The following FARS2 variants were observed in gnomAD, a reference collection of about 807,000 sequenced individuals.
FARS2 encodes the protein phenylalanine--tRNA ligase, mitochondrial.
FARS2 carries 40 observed loss-of-function variants against 46.4 expected under a neutral mutation model. The observed-to-expected ratio is 0.86, with a 90% confidence interval of 0.67 to 1.12. The LOEUF is 1.12. Among genes scored for constraint, FARS2 ranks in the 50% most tolerant of loss-of-function variants. The probability of loss-of-function intolerance (pLI) is 0.00; values close to 1 mark genes in which losing one functional copy is unlikely to be tolerated. For synonymous variants in FARS2, 234 were observed against 214.9 expected (o/e 1.09, Z -0.78); for missense variants, 513 against 567.9 (o/e 0.90, Z 0.98).
intron 5 of FARS2, among the ~76,000 whole-genome samples, chr6:5,570,816 C>T (rs1772599653): frequency 6.6e-6 from 1 of 152,090 alleles, no homozygotes; most frequent in Admixed American, 6.5e-5. Context: ...TCTGCACTGT[C>T]ACCACAGCTG....
At chr6:5,409,949 C>T (rs1761839910) in intron 3 of FARS2, among the ~76,000 whole-genome samples, 1 of 152,106 alleles carries the variant, frequency 6.6e-6, no homozygotes, top group African/African-American at 2.4e-5. Flanking sequence ...TATTGCCTCT[C>T]AGGGGAGATG....
At chr6:5,561,684 G>A (rs1040639172) in intron 5 of FARS2, among the ~76,000 whole-genome samples, 6 of 151,768 alleles carry the variant, frequency 4.0e-5, no homozygotes, top group Admixed American at 2.0e-4. Context: ...TTTTTGTTCC[G>A]GGATTCATAT....
chr6:5,644,257 CA>C (rs1432304376), intron 6 of FARS2, among the ~76,000 whole-genome samples: 1 of 151,936 alleles, frequency 6.6e-6, no homozygotes, highest in Non-Finnish European at 1.5e-5. Flanking sequence ...CTCACTCTGT[CA>C]CCCAGGCTGG....
intron 6 of FARS2, among the ~76,000 whole-genome samples, chr6:5,752,156 G>T (rs113173426): frequency 2.6e-5 from 4 of 152,146 alleles, no homozygotes; most frequent in African/African-American, 4.8e-5. Flanking sequence ...ATACATCAGG[G>T]TGTCCAGCGC....
intron 4 of FARS2, among the ~76,000 whole-genome samples, chr6:5,510,693 T>C (rs1015074373): frequency 6.6e-6 from 1 of 152,234 alleles, no homozygotes; most frequent in South Asian, 2.1e-4. Flanking sequence ...ACGTGAGTGC[T>C]GACACAGTGA....
intron 5 of FARS2, among the ~76,000 whole-genome samples, chr6:5,588,335 A>C (rs1279164958): frequency 6.6e-6 from 1 of 152,190 alleles, no homozygotes; most frequent in Non-Finnish European, 1.5e-5. Flanking sequence ...GCCCAAGGCC[A>C]ATCTGCCTTG....
chr6:5,376,952 G>A (rs917657344), intron 2 of FARS2, among the ~76,000 whole-genome samples: 1 of 152,218 alleles, frequency 6.6e-6, no homozygotes, highest in African/African-American at 2.4e-5. Flanking sequence ...GAGGGTGAAT[G>A]AGATCAGGCA....
intron 1 of FARS2, among the ~76,000 whole-genome samples, chr6:5,358,518 G>A (rs764667269): frequency 2.4e-4 from 37 of 152,264 alleles, no homozygotes; most frequent in Middle Eastern, 3.4e-3. Flanking sequence ...GAAAGCCAGA[G>A]TATGTATTGT....
At chr6:5,455,225 G>T (rs1764773838) in intron 4 of FARS2, among the ~76,000 whole-genome samples, 2 of 152,056 alleles carry the variant, frequency 1.3e-5, no homozygotes, top group African/African-American at 4.8e-5. Context: ...GCAGCTTTTT[G>T]ATTTTTAAAT....
At chr6:5,520,284 C>A (rs1769052159) in intron 4 of FARS2, among the ~76,000 whole-genome samples, 1 of 152,140 alleles carries the variant, frequency 6.6e-6, no homozygotes, top group Non-Finnish European at 1.5e-5. Flanking sequence ...TGTAATTACA[C>A]CTGGTGACGA....
intron 5 of FARS2, among the ~76,000 whole-genome samples, chr6:5,608,044 T>C (rs887189758): frequency 7.7e-4 from 117 of 152,200 alleles, no homozygotes; most frequent in African/African-American, 2.7e-3. Context: ...AAATATCTTT[T>C]TATCGTGAAC....
intron 2 of FARS2, among the ~76,000 whole-genome samples, chr6:5,376,352 T>C (rs1464799784): frequency 6.6e-6 from 1 of 152,140 alleles, no homozygotes; most frequent in African/African-American, 2.4e-5. Flanking sequence ...GATTCCAAAC[T>C]CAGCAGATTA....
chr6:5,270,803 C>T (rs1363652128), intron 1 of FARS2, among the ~76,000 whole-genome samples: 1 of 152,162 alleles, frequency 6.6e-6, no homozygotes, highest in East Asian at 1.9e-4. Context: ...TTTTCGCTTG[C>T]TGCTTTTCAT....
intron 6 of FARS2, among the ~76,000 whole-genome samples, chr6:5,645,513 C>A (rs1309835427): frequency 6.6e-6 from 1 of 152,124 alleles, no homozygotes; most frequent in African/African-American, 2.4e-5. Context: ...TTAGGAATGA[C>A]GAAAATGCAT....
chr6:5,539,246 GC>G (rs1442651745), intron 4 of FARS2, among the ~76,000 whole-genome samples: 1 of 150,860 alleles, frequency 6.6e-6, no homozygotes, highest in Non-Finnish European at 1.5e-5. Flanking sequence ...TCGCTCTGTG[GC>G]CCAGACTGGA....
chr6:5,579,281 G>A (rs571695321), intron 5 of FARS2, among the ~76,000 whole-genome samples: 1 of 151,742 alleles, frequency 6.6e-6, no homozygotes, highest in Non-Finnish European at 1.5e-5. Flanking sequence ...GTTTTTTTTA[G>A]ATGGAGTATT....
At chr6:5,501,328 A>G (rs7760403) in intron 4 of FARS2, among the ~76,000 whole-genome samples, 1 of 152,116 alleles carries the variant, frequency 6.6e-6, no homozygotes, top group South Asian at 2.1e-4. Flanking sequence ...CATATGCTTC[A>G]TGGTAAGTTC....
intron 5 of FARS2, among the ~76,000 whole-genome samples, chr6:5,604,988 C>T (rs116733189): frequency 0.029 from 4,360 of 152,236 alleles, 188 homozygotes; most frequent in African/African-American, 0.098. Flanking sequence ...TTCATATCCT[C>T]GGGGAGACCT....
chr6:5,714,020 A>G (rs1224457129), intron 6 of FARS2, among the ~76,000 whole-genome samples: 2 of 152,174 alleles, frequency 1.3e-5, no homozygotes, highest in African/African-American at 4.8e-5. Context: ...AAGGGGAGAA[A>G]ATGCTGCAGC....
Sources: allele counts gnomAD v4.1 joint callset (sites outside exome capture counted in the v4.1 genomes callset), GRCh38; gene constraint gnomAD v4.1.1; transcripts MANE v1.5; gene names NCBI Gene and HGNC (gene_info 2026-07-23, HGNC 2026-07-21).